PCDH11X: variants seen among roughly 807,000 people sequenced by gnomAD.
PCDH11X encodes protocadherin-11 X-linked.
PCDH11X carries 18 observed loss-of-function variants against 53.3 expected under a neutral mutation model. The observed-to-expected ratio is 0.34, with a 90% CI of 0.23 to 0.50. The LOEUF is 0.50. Ranked by LOEUF, PCDH11X falls within the 20% of genes least tolerant of loss-of-function variation. The pLI is 0.98. For missense variants in PCDH11X, 570 were observed against 1,032.4 expected, an observed-to-expected ratio of 0.55 and a Z score of 6.14; for synonymous variants, 279 against 393.3, an observed-to-expected ratio of 0.71 and a Z score of 3.44.
chrX:91,973,568 G>T, intron 6 of PCDH11X, among the ~76,000 whole-genome samples: 1 of 104,304 alleles, frequency 9.6e-6, no homozygotes. Flanking sequence ...ATTTCATAAT[G>T]TATACATACA....
chrX:91,966,719 G>C (rs35215072), intron 6 of PCDH11X, among the ~76,000 whole-genome samples: 3 of 111,006 alleles, frequency 2.7e-5, no homozygotes, highest in African/African-American at 9.8e-5. Context: ...AAAGCTACCC[G>C]GTATTTTAAC....
At chrX:92,456,646 A>C (rs988237025) in intron 9 of PCDH11X, among the ~76,000 whole-genome samples, 9 of 111,680 alleles carry the variant, frequency 8.1e-5, no homozygotes, top group Non-Finnish European at 1.1e-4. Context: ...AAACCTTTTA[A>C]CATGTCTTTT....
At chrX:92,132,114 A>C (rs371450389) in intron 6 of PCDH11X, among the ~76,000 whole-genome samples, 1 of 95,624 alleles carries the variant, frequency 1.0e-5, no homozygotes, top group South Asian at 5.4e-4. Context: ...TCTACTAAAA[A>C]TACAAAAAAA....
intron 8 of PCDH11X, among the ~76,000 whole-genome samples, chrX:92,329,158 G>A (rs1166905543): frequency 9.0e-6 from 1 of 111,488 alleles, no homozygotes; most frequent in Non-Finnish European, 1.9e-5. Context: ...TGCAATTCAT[G>A]ATATTAACAG....
intron 10 of PCDH11X, among the ~76,000 whole-genome samples, chrX:92,601,279 T>A (rs747178447): frequency 9.7e-6 from 1 of 103,015 alleles, no homozygotes; most frequent in African/African-American, 3.6e-5. Context: ...TCATCTTGAA[T>A]TGAAGCTCCC....
chrX:92,036,844 T>C (rs1393197958), intron 6 of PCDH11X, among the ~76,000 whole-genome samples: 2 of 110,243 alleles, frequency 1.8e-5, no homozygotes, highest in Non-Finnish European at 3.8e-5. Context: ...AAGATTCTGA[T>C]AGTGATAAGG....
Position 92,432,767 on chromosome X carries a change from G to T in PCDH11X, c.3344-35532G>T, listed in dbSNP as rs537957260. On this transcript the variant is annotated intron_variant, in intron 9 of 10. Coordinates refer to ENST00000682573, the MANE Select transcript of PCDH11X (RefSeq NM_032968.5). ...GTATATTGATAGCATCATTACAATT[G>T]TGTTTTTACTACTGGCTATGAAGTT... is the stretch of plus-strand genomic sequence containing the variant. 9.5e-5 allele frequency among the ~76,000 whole-genome samples: 10 copies of T among 105,806 alleles called. No individual in the cohort carries two copies. The South Asian group carries it at 3.9e-3, about 42-fold the overall frequency. 91.9% of individuals were successfully genotyped at this position (105,806 alleles called of 115,157 possible).
chrX:92,327,074 C>A (rs755571493), intron 8 of PCDH11X, among the ~76,000 whole-genome samples: 6 of 108,222 alleles, frequency 5.5e-5, no homozygotes, highest in Middle Eastern at 4.9e-3. Flanking sequence ...CTCACTATAG[C>A]GTAAAAATAA....
At chrX:92,588,628 T>G (rs746508790) in intron 10 of PCDH11X, among the ~76,000 whole-genome samples, 9 of 108,494 alleles carry the variant, frequency 8.3e-5, no homozygotes, top group South Asian at 4.0e-4. Flanking sequence ...AAAGAATAAA[T>G]AATAAAAACC....
chrX:91,926,335 A>G (rs1391369631), intron 6 of PCDH11X, among the ~76,000 whole-genome samples: 1 of 110,430 alleles, frequency 9.1e-6, no homozygotes, highest in African/African-American at 3.3e-5. Flanking sequence ...AGGCCCACCC[A>G]CATCATGGAG....
In PCDH11X at chrX:91,879,038, C is replaced by T; in HGVS notation, c.2798C>T (p.Pro933Leu). 8.3e-7 allele frequency: 1 copy of T among 1,211,370 alleles called. No individual in the cohort carries two copies. The highest frequency in any genetic ancestry group is 1.1e-6 in the Non-Finnish European group (1 of 895,397). Residue 933 changes from proline (P) to leucine (L), a missense_variant, in exon 6 of 11, where the codon CCT (proline) becomes CTT (leucine). Coordinates refer to ENST00000682573, the MANE Select transcript of PCDH11X (RefSeq NM_032968.5). ...TTPTTFKPDSPDLARHYKSAS... is the reference protein window; with the variant it reads ...TTPTTFKPDSLDLARHYKSAS... ...CCTACTACTTTCAAGCCCGACAGCC[C>T]TGATTTGGCCCGACACTACAAATCT...
At chrX:91,999,976 A>G (rs1175443008) in intron 6 of PCDH11X, among the ~76,000 whole-genome samples, 2 of 111,227 alleles carry the variant, frequency 1.8e-5, no homozygotes, top group Non-Finnish European at 3.8e-5. Context: ...TTAGCTGGCA[A>G]AGTAAGTCTA....
At chrX:92,139,274 T>TC (rs1292995557) in intron 6 of PCDH11X, among the ~76,000 whole-genome samples, 2 of 90,864 alleles carry the variant, frequency 2.2e-5, no homozygotes, top group African/African-American at 9.4e-5. Context: ...TTCTTTCTTT[T>TC]TTTTTTTTTT....
intron 7 of PCDH11X, among the ~76,000 whole-genome samples, chrX:92,204,841 A>G (rs2066448491): frequency 8.9e-6 from 1 of 112,041 alleles, no homozygotes; most frequent in Non-Finnish European, 1.9e-5. Context: ...GGCCTCAGGA[A>G]ACTTATAATC....
At chrX:92,361,975 A>T (rs2070357835) in intron 8 of PCDH11X, among the ~76,000 whole-genome samples, 1 of 111,614 alleles carries the variant, frequency 9.0e-6, no homozygotes, top group African/African-American at 3.3e-5. Context: ...GTACACCCAC[A>T]TTGTAGCATG....
At chrX:92,224,979 C>T (rs67622836) in intron 7 of PCDH11X, among the ~76,000 whole-genome samples, 18,393 of 110,527 alleles carry the variant, frequency 0.17, 1,319 homozygotes, top group Admixed American at 0.29. Flanking sequence ...TCCCTTGCAT[C>T]ACTTCTGAGT....
At chrX:91,836,936 A>G (rs1937324022) in intron 5 of PCDH11X, among the ~76,000 whole-genome samples, 1 of 110,243 alleles carries the variant, frequency 9.1e-6, no homozygotes, top group Non-Finnish European at 1.9e-5. Flanking sequence ...GTGAAATAGT[A>G]CAATGCACTT....
At chrX:91,839,528 C>T (rs1457118695) in intron 5 of PCDH11X, among the ~76,000 whole-genome samples, 2 of 107,005 alleles carry the variant, frequency 1.9e-5, no homozygotes, top group Non-Finnish European at 3.8e-5. Context: ...CACTTGAATT[C>T]GGGAGGCAGA....
chrX:92,387,866 G>C lies in PCDH11X; in HGVS notation c.3276G>C (p.Glu1092Asp), dbSNP rs2148573298. 8.3e-7 allele frequency: 1 copy of C among 1,209,213 alleles called. No individual in the cohort carries two copies. The highest frequency in any genetic ancestry group is 1.8e-5 in the African/African-American group (1 of 57,003). ...GCCTGCCCCTTGGCTATCCTCAGGAGGAGTACTTTGATCGTGCTACACCCA... is the reference window on the plus strand; with the variant it reads ...GCCTGCCCCTTGGCTATCCTCAGGACGAGTACTTTGATCGTGCTACACCCA... The part of the protein sequence containing the change: ...SHGLPLGYPQ[E>D]EYFDRATPSN... Residue 1092 changes from glutamate to aspartate, a missense_variant, in exon 9 of 11, where the codon GAG becomes GAC. By Grantham distance (45) the Glu-to-Asp change is conservative. Coordinates refer to ENST00000682573, the MANE Select transcript of PCDH11X (RefSeq NM_032968.5).
Sources: gnomAD v4.1 joint callset for allele counts (sites outside exome capture counted in the v4.1 genomes callset) on GRCh38, gnomAD v4.1.1 for gene constraint, MANE v1.5 for transcripts, NCBI Gene and HGNC (gene_info 2026-07-23, HGNC 2026-07-21) for gene names.